Variants in EXOC6 observed in about 807,000 individuals in gnomAD.
EXOC6 encodes the protein exocyst complex component 6, also known as SEC15-like 1.
A neutral mutation model predicts 112.5 loss-of-function variants in EXOC6; 60 were observed. The observed-to-expected ratio is 0.53, with a 90% CI of 0.43 to 0.66. EXOC6 has a LOEUF of 0.66. Among genes scored for constraint, EXOC6 ranks in the 30% least tolerant of loss-of-function variants. EXOC6 has a pLI of 0.00. For synonymous variants in EXOC6, 295 were observed against 308.0 expected (o/e 0.96, Z 0.44); for missense variants, 855 against 957.1 (o/e 0.89, Z 1.41).
At chr10:92,827,700 T>G (rs912462452) in intron 1 of EXOC6, among the ~76,000 whole-genome samples, 2 of 151,972 alleles carry the variant, frequency 1.3e-5, no homozygotes, top group Non-Finnish European at 2.9e-5. Context: ...AGCCAGAAGA[T>G]CCCCTCACAG....
chr10:92,862,310 T>C (rs1475138809), intron 1 of EXOC6, among the ~76,000 whole-genome samples: 1 of 148,612 alleles, frequency 6.7e-6, no homozygotes, highest in Non-Finnish European at 1.5e-5. Context: ...AATCAATACT[T>C]GTTATGTCTG....
chr10:92,851,371 C>T (rs181509741), intron 1 of EXOC6, among the ~76,000 whole-genome samples: 3 of 152,212 alleles, frequency 2.0e-5, no homozygotes, highest in Admixed American at 6.5e-5. Flanking sequence ...CAGGGCCAGG[C>T]GCGGTGGCTC....
intron 14 of EXOC6, among the ~76,000 whole-genome samples, chr10:92,949,224 C>A (rs1306445637): frequency 1.3e-5 from 2 of 151,900 alleles, no homozygotes; most frequent in African/African-American, 4.8e-5. Context: ...TGAGCAAGAC[C>A]AAATTCTGAG....
At chr10:92,847,467 A>G (rs930054488), upstream of EXOC6, among the ~76,000 whole-genome samples, 1 of 152,170 alleles carries the variant, frequency 6.6e-6, no homozygotes, top group African/African-American at 2.4e-5. Context: ...AAGCTCACTA[A>G]GGGTGAGTGA....
At position 92,976,211 on chromosome 10, in the gene EXOC6, G is replaced by A. The variant is rs562712146; in HGVS notation, c.1953+1979G>A. Among the ~76,000 whole-genome samples, 6 of 152,316 alleles carry A rather than the reference G, an allele frequency of 3.9e-5. No individual in the cohort carries two copies. The East Asian group carries it at 1.2e-3, about 30-fold the overall frequency. On this transcript the variant is annotated intron_variant, in intron 18 of 21. Transcript: ENST00000260762. The stretch of plus-strand genomic sequence containing the variant: ...ATTGAGAACGGGCCATGATGACAGT[G>A]GCGATTTTGTGGAATAGAAAGGGGG...
chr10:93,037,900 C>T (rs905386047), intron 20 of EXOC6, among the ~76,000 whole-genome samples: 4 of 150,728 alleles, frequency 2.7e-5, no homozygotes, highest in Admixed American at 6.6e-5. Context: ...ATTAGCCGGG[C>T]GCGGTGGCGG....
In EXOC6 at chr10:92,948,268, T is replaced by TA. The variant is rs1202645748; in HGVS notation, c.1311-4dup. The TA allele has an allele frequency of 1.9e-6, 3 of 1,579,440 alleles. No homozygotes were observed. Among genetic ancestry groups the TA allele is most frequent in the African/African-American group, 1.4e-5 (1 of 73,734 alleles). On this transcript the variant is annotated splice_region_variant and splice_polypyrimidine_tract_variant and intron_variant, in intron 13 of 21. Transcript: ENST00000260762. ...TGATAAGTTTTCAATTTTCCTTTCC[T>TA]AACAGGGACATTTTTGAAGAAGATA...
intron 4 of EXOC6, among the ~76,000 whole-genome samples, chr10:92,895,814 C>CAA: frequency 6.9e-6 from 1 of 145,930 alleles, no homozygotes; most frequent in Non-Finnish European, 1.5e-5. Flanking sequence ...ATCCCCTTGT[C>CAA]TTAGTGTAGT....
intron 7 of EXOC6, 92 bp from the exon 8 acceptor site, chr10:92,919,890 A>G: frequency 2.8e-6 from 2 of 718,734 alleles, no homozygotes; most frequent in South Asian, 2.2e-5. Flanking sequence ...CACAAAGTTC[A>G]TGAATCTTCT....
Position 92,974,086 on chromosome 10 carries a change from A to G in EXOC6, c.1807A>G (p.Thr603Ala), listed in dbSNP as rs762206863. ...ARHAAEGEIY[T>A]KLNQKIDEFV... ...ACATGCAGCAGAAGGAGAAATATATACCAAACTGAATCAAAAAATTGATGA... is the reference window on the plus strand; with the variant it reads ...ACATGCAGCAGAAGGAGAAATATATGCCAAACTGAATCAAAAAATTGATGA... Residue 603 changes from threonine (T) to alanine (A), a missense_variant, in exon 18 of 22, where the codon ACC becomes GCC. By Grantham distance (58) the Thr-to-Ala change is moderately conservative. Transcript: ENST00000260762. 1.9e-6 allele frequency: 3 copies of G among 1,601,096 alleles called. No individual in the cohort carries two copies. Among genetic ancestry groups the G allele is most frequent in the Admixed American group, 1.8e-5 (1 of 55,694 alleles).
chr10:92,903,901 T>C (rs1410011958), intron 5 of EXOC6, among the ~76,000 whole-genome samples: 3 of 152,112 alleles, frequency 2.0e-5, no homozygotes, highest in Non-Finnish European at 4.4e-5. Flanking sequence ...TCCATTACAG[T>C]ATCATACAGA....
At position 92,974,188 on chromosome 10, in the gene EXOC6, A is replaced by G. The variant is rs775231504; in HGVS notation, c.1909A>G (p.Ile637Val). Residue 637 changes from isoleucine (I) to valine (V), a missense_variant, in exon 18 of 22, where the codon ATA (isoleucine) becomes GTA (valine). This residue lies in a region of EXOC6 where 450 missense variants were observed against 563.5 expected (regional missense o/e 0.80). Transcript: ENST00000260762. ...AGCTAGTGGTTATTTAATGGACCTT[A>G]TAAATTTTTTGAGAAGCATCTTTCA... is the stretch of plus-strand genomic sequence containing the variant. ...GRASGYLMDL[I>V]NFLRSIFQVF... 2 of 1,579,810 alleles carry G rather than the reference A, an allele frequency of 1.3e-6. No individual in the cohort carries two copies. The highest frequency in any genetic ancestry group is 8.5e-7 in the Non-Finnish European group (1 of 1,171,860).
chr10:92,892,136 G>T (rs1849533083), intron 1 of EXOC6, among the ~76,000 whole-genome samples: 2 of 152,106 alleles, frequency 1.3e-5, no homozygotes, highest in Admixed American at 6.6e-5. Context: ...CCACTCTCAG[G>T]TTCAAAAATT....
At chr10:93,001,904 C>T (rs555600831) in intron 19 of EXOC6, among the ~76,000 whole-genome samples, 69 of 152,310 alleles carry the variant, frequency 4.5e-4, no homozygotes, top group African/African-American at 1.5e-3. Context: ...ATCCAAAAAT[C>T]TTCTCTGAAC....
At chr10:92,831,834 T>A (rs1411248151), upstream of EXOC6, among the ~76,000 whole-genome samples, 1 of 152,264 alleles carries the variant, frequency 6.6e-6, no homozygotes, top group Admixed American at 6.5e-5. Flanking sequence ...AGAGTAAATG[T>A]GGCAAAATAT....
At chr10:92,928,288 TTGTA>T (rs1851832614) in intron 8 of EXOC6, 47 bp from the exon 9 acceptor site, 2 of 976,362 alleles carry the variant, frequency 2.0e-6, no homozygotes, top group African/African-American at 1.6e-5. Context: ...TCTGTTTTAG[TTGTA>T]TGTGTGTGTA....
chr10:92,948,305 A>G lies in EXOC6; in HGVS notation c.1342A>G (p.Ile448Val), dbSNP rs781025177. The G allele has an allele frequency of 2.5e-6, 4 of 1,609,510 alleles. No individual in the cohort carries two copies. The highest frequency in any genetic ancestry group is 3.4e-6 in the Non-Finnish European group (4 of 1,178,152). Reference sequence around the variant, plus strand: ...TTTTGAAGAAGATAATTACAGCCCCATCCCTGTTGTCAATGAAGAAGAATA... The same window carrying G: ...TTTTGAAGAAGATAATTACAGCCCCGTCCCTGTTGTCAATGAAGAAGAATA... ...DIFEEDNYSP[I>V]PVVNEEEYKI... Residue 448 changes from isoleucine (I) to valine (V), a missense_variant, in exon 14 of 22, where the codon ATC (isoleucine) becomes GTC (valine). Physicochemically the swap from Ile to Val is conservative, Grantham distance 29. Coordinates refer to ENST00000260762, the MANE Select transcript of EXOC6 (RefSeq NM_019053.6).
At chr10:92,966,691 T>A (rs1842080473) in intron 17 of EXOC6, among the ~76,000 whole-genome samples, 1 of 147,354 alleles carries the variant, frequency 6.8e-6, no homozygotes, top group Non-Finnish European at 1.5e-5. Flanking sequence ...TCTATCATTG[T>A]TGGACATTTG....
At chr10:93,011,402 G>C (rs1844240322) in intron 19 of EXOC6, among the ~76,000 whole-genome samples, 1 of 151,952 alleles carries the variant, frequency 6.6e-6, no homozygotes, top group South Asian at 2.1e-4. Flanking sequence ...AACTACTACA[G>C]GTGCATGCCA....
Sources: gnomAD v4.1 joint callset for allele counts (sites outside exome capture counted in the v4.1 genomes callset) on GRCh38, gnomAD v4.1.1 for gene constraint, gnomAD v4.1.1 regional missense constraint, MANE v1.5 for transcripts, NCBI Gene and HGNC (gene_info 2026-07-23, HGNC 2026-07-21) for gene names.